The following ADCY8 variants were observed in gnomAD, a reference collection of about 807,000 sequenced individuals.
The protein encoded by ADCY8 is adenylate cyclase 8, also known as adenylate cyclase type 8.
Under a neutral mutation model 119.7 loss-of-function variants are expected in ADCY8, and 51 were observed. The ratio of observed to expected loss-of-function variants is 0.43; its 90% CI spans 0.34 to 0.54. The LOEUF is 0.54. ADCY8 is among the 20% of genes least tolerant of loss of function. The pLI is 0.03. For missense variants in ADCY8, 1,383 were observed against 1,598.8 expected (o/e 0.87, Z 2.30); for synonymous variants, 665 against 651.0 (o/e 1.02, Z -0.33).
chr8:130,824,871 T>C (rs1237479898), intron 12 of ADCY8, among the ~76,000 whole-genome samples: 1 of 152,220 alleles, frequency 6.6e-6, no homozygotes, highest in Admixed American at 6.5e-5. Flanking sequence ...CCTATGTGAA[T>C]GCACAGGCCA....
rs1435714807 is a variant in ADCY8 at position 130,800,600 on chromosome 8, G to T, written c.2914-28C>A. The T allele has an allele frequency of 1.9e-6, 3 of 1,612,402 alleles. No individual in the cohort carries two copies. In the African/African-American group the frequency reaches 4.0e-5, roughly 22 times the overall value. On this transcript the variant is annotated intron_variant, in intron 14 of 17. Coordinates refer to ENST00000286355, the MANE Select transcript of ADCY8 (RefSeq NM_001115.3). ...GGACAGAGACACACAGAGGGCACCA[G>T]AAATGGTCATCAGAGGTCGGTTCTG...
chr8:130,924,809 G>A (rs1820413380), intron 5 of ADCY8, among the ~76,000 whole-genome samples: 1 of 152,106 alleles, frequency 6.6e-6, no homozygotes, highest in Non-Finnish European at 1.5e-5. Context: ...TAGTTCTTCA[G>A]TATTTGGCCT....
chr8:130,910,870 G>T (rs538160894), intron 5 of ADCY8, among the ~76,000 whole-genome samples: 4 of 152,254 alleles, frequency 2.6e-5, no homozygotes, highest in African/African-American at 9.6e-5. Flanking sequence ...ATGATTAAAT[G>T]ATGTCATTTA....
At chr8:130,801,295 C>T (rs724365) in intron 14 of ADCY8, among the ~76,000 whole-genome samples, 38,851 of 151,858 alleles carry the variant, frequency 0.26, 5,004 homozygotes, top group East Asian at 0.28. Flanking sequence ...TACCTTTCTA[C>T]TTCATTGAGA....
chr8:130,829,831 T>G (rs1816775525), intron 12 of ADCY8, among the ~76,000 whole-genome samples: 1 of 152,236 alleles, frequency 6.6e-6, no homozygotes, highest in African/African-American at 2.4e-5. Context: ...ACTTCTATAT[T>G]GACATTTCAG....
chr8:130,815,028 T>C (rs1309822792), intron 13 of ADCY8, among the ~76,000 whole-genome samples: 3 of 152,154 alleles, frequency 2.0e-5, no homozygotes, highest in Non-Finnish European at 4.4e-5. Flanking sequence ...GTAATTAGGG[T>C]TGATGAGGTC....
intron 2 of ADCY8, among the ~76,000 whole-genome samples, chr8:130,987,500 A>C (rs1034670425): frequency 6.6e-6 from 1 of 152,186 alleles, no homozygotes; most frequent in Non-Finnish European, 1.5e-5. Flanking sequence ...GTATCCTACC[A>C]TGAGATAAAA....
intron 2 of ADCY8, among the ~76,000 whole-genome samples, chr8:130,984,272 G>C (rs373143243): frequency 6.6e-6 from 1 of 152,188 alleles, no homozygotes; most frequent in African/African-American, 2.4e-5. Flanking sequence ...TAGACTGCCT[G>C]TGGGGAGGAA....
chr8:130,984,306 G>T (rs1822330763), intron 2 of ADCY8, among the ~76,000 whole-genome samples: 1 of 152,168 alleles, frequency 6.6e-6, no homozygotes, highest in Non-Finnish European at 1.5e-5. Context: ...CGACAGAAAG[G>T]TCTGGAGAAT....
At chr8:130,916,459 A>G (rs1820132451) in intron 5 of ADCY8, among the ~76,000 whole-genome samples, 1 of 152,218 alleles carries the variant, frequency 6.6e-6, no homozygotes, top group South Asian at 2.1e-4. Flanking sequence ...TATGAAACGT[A>G]GGGTCCATCT....
chr8:130,862,697 G>A (rs549204005), intron 9 of ADCY8, among the ~76,000 whole-genome samples: 3 of 152,330 alleles, frequency 2.0e-5, no homozygotes, highest in South Asian at 4.1e-4. Context: ...ACAGGCGTGA[G>A]CCACCGCGCC....
At chr8:130,962,430 C>G (rs191291861) in intron 2 of ADCY8, among the ~76,000 whole-genome samples, 1 of 152,318 alleles carries the variant, frequency 6.6e-6, no homozygotes. Context: ...TTTGTGCTCA[C>G]ATTCTGCACA....
rs747439111 is a variant in ADCY8, at chr8:131,005,561, C to G, written c.961-15019G>C. Among the ~76,000 whole-genome samples the G allele has an allele frequency of 6.6e-5, 10 of 152,320 alleles. 1 individual carries two copies. Among genetic ancestry groups the G allele is most frequent in the African/African-American group, 2.2e-4 (9 of 41,564 alleles). ...CTGCCCTTCTGTGTCCCACTCTTTGCCCAGAAAAGTTGTTATCTCTGGACT... is the reference window on the plus strand; with the variant it reads ...CTGCCCTTCTGTGTCCCACTCTTTGGCCAGAAAAGTTGTTATCTCTGGACT... On this transcript the variant is annotated intron_variant, in intron 1 of 17. Transcript: ENST00000286355.
intron 8 of ADCY8, among the ~76,000 whole-genome samples, chr8:130,872,789 C>T (rs1268305951): frequency 1.3e-5 from 2 of 151,986 alleles, no homozygotes; most frequent in Non-Finnish European, 2.9e-5. Context: ...GGAGAGTGAC[C>T]ACAATCTTCA....
chr8:130,829,619 A>C (rs1816769741), intron 12 of ADCY8, among the ~76,000 whole-genome samples: 2 of 152,220 alleles, frequency 1.3e-5, no homozygotes, highest in African/African-American at 2.4e-5. Context: ...GATTATAAGG[A>C]AGGTAAATAC....
intron 15 of ADCY8, among the ~76,000 whole-genome samples, chr8:130,791,195 T>C (rs544285859): frequency 6.6e-6 from 1 of 152,326 alleles, no homozygotes; most frequent in South Asian, 2.1e-4. Flanking sequence ...CAGCAGGCTG[T>C]ATGCCAATGG....
At chr8:130,851,473 C>G (rs963519933) in intron 9 of ADCY8, among the ~76,000 whole-genome samples, 1 of 152,132 alleles carries the variant, frequency 6.6e-6, no homozygotes, top group Admixed American at 6.5e-5. Flanking sequence ...TTCAGAGTTT[C>G]CCAGTAACCC....
chr8:130,791,119 T>C (rs973564228), intron 15 of ADCY8, among the ~76,000 whole-genome samples: 1 of 152,186 alleles, frequency 6.6e-6, no homozygotes, highest in Non-Finnish European at 1.5e-5. Flanking sequence ...TAAACAGACA[T>C]AAATCCTGCT....
intron 5 of ADCY8, among the ~76,000 whole-genome samples, chr8:130,912,812 G>T (rs1820020658): frequency 6.6e-6 from 1 of 152,088 alleles, no homozygotes; most frequent in Non-Finnish European, 1.5e-5. Context: ...AAGTTAAAAA[G>T]CATATGGTAC....
Sources: gnomAD v4.1 joint callset for allele counts (sites outside exome capture counted in the v4.1 genomes callset) on GRCh38, gnomAD v4.1.1 for gene constraint, MANE v1.5 for transcripts, NCBI Gene and HGNC (gene_info 2026-07-23, HGNC 2026-07-21) for gene names.